SLX4IP: variants seen among roughly 807,000 people sequenced by gnomAD.
The protein encoded by SLX4IP is protein SLX4IP.
A neutral mutation model predicts 32.9 loss-of-function variants in SLX4IP; 34 were observed. The observed-to-expected ratio is 1.03, with a 90% CI of 0.79 to 1.38. SLX4IP has a LOEUF of 1.38. SLX4IP is among the 40% of genes most tolerant of loss of function. The pLI, the probability that SLX4IP is intolerant of heterozygous loss-of-function variation, is 0.00. For missense variants in SLX4IP, 444 were observed against 479.0 expected (o/e 0.93, Z 0.68); for synonymous variants, 172 against 171.7 (o/e 1.00, Z -0.01).
At chr20:10,572,290 G>A (rs1168564536) in intron 4 of SLX4IP, among the ~76,000 whole-genome samples, 1 of 152,094 alleles carries the variant, frequency 6.6e-6, no homozygotes, top group African/African-American at 2.4e-5. Flanking sequence ...TCATTGCTTT[G>A]GTATCCCTAT....
chr20:10,604,614 G>A (rs571994887), intron 6 of SLX4IP, among the ~76,000 whole-genome samples: 19 of 152,324 alleles, frequency 1.2e-4, no homozygotes, highest in Middle Eastern at 3.4e-3. Context: ...GGAGCAGAGC[G>A]AATGCAGCCA....
At chr20:10,440,134 G>A (rs985969354) in intron 1 of SLX4IP, among the ~76,000 whole-genome samples, 3 of 150,884 alleles carry the variant, frequency 2.0e-5, no homozygotes, top group South Asian at 2.1e-4. Context: ...AGAAAAGATT[G>A]CATTTTTTTT....
At chr20:10,613,738 T>A in intron 6 of SLX4IP, 1 of 1,613,488 alleles carries the variant, frequency 6.2e-7, no homozygotes, top group Non-Finnish European at 8.5e-7. Flanking sequence ...TGAATGATAT[T>A]CCTTATCCTG....
chr20:10,486,692 A>T (rs192781541), intron 2 of SLX4IP, among the ~76,000 whole-genome samples: 2 of 152,318 alleles, frequency 1.3e-5, no homozygotes, highest in African/African-American at 4.8e-5. Flanking sequence ...GGGATAAATG[A>T]TCATGCAGAG....
At chr20:10,619,119 C>T (rs2067074790) in intron 6 of SLX4IP, among the ~76,000 whole-genome samples, 1 of 152,098 alleles carries the variant, frequency 6.6e-6, no homozygotes, top group Admixed American at 6.5e-5. Flanking sequence ...TGTAAATATG[C>T]CTCCTTCAAC....
At chr20:10,442,013 G>T (rs529743419) in intron 1 of SLX4IP, among the ~76,000 whole-genome samples, 1 of 152,236 alleles carries the variant, frequency 6.6e-6, no homozygotes, top group East Asian at 1.9e-4. Context: ...AAGTTCTAGG[G>T]CTTTGCCTTT....
intron 1 of SLX4IP, among the ~76,000 whole-genome samples, chr20:10,445,027 C>T (rs2065190243): frequency 6.6e-6 from 1 of 152,152 alleles, no homozygotes; most frequent in Non-Finnish European, 1.5e-5. Context: ...GTGTTCCCCA[C>T]AGATTCTCCG....
intron 1 of SLX4IP, among the ~76,000 whole-genome samples, chr20:10,437,598 A>G (rs955217001): frequency 1.7e-4 from 26 of 152,194 alleles, no homozygotes; most frequent in Non-Finnish European, 3.2e-4. Context: ...CAACTTGCCA[A>G]TTATTTGCTC....
chr20:10,521,711 A>G (rs13043987), intron 2 of SLX4IP, among the ~76,000 whole-genome samples: 1 of 152,018 alleles, frequency 6.6e-6, no homozygotes, highest in Non-Finnish European at 1.5e-5. Flanking sequence ...TACATCCCCA[A>G]ATATGCCCAT....
At chr20:10,555,706 G>A (rs536995760) in intron 2 of SLX4IP, among the ~76,000 whole-genome samples, 39 of 152,298 alleles carry the variant, frequency 2.6e-4, no homozygotes, top group Non-Finnish European at 5.4e-4. Flanking sequence ...CTAGCATTCA[G>A]TATGTATCTT....
intron 4 of SLX4IP, among the ~76,000 whole-genome samples, chr20:10,573,462 G>A (rs1002309410): frequency 5.9e-5 from 9 of 152,160 alleles, no homozygotes; most frequent in African/African-American, 2.2e-4. Flanking sequence ...CATTTTTTAT[G>A]TGAGTCAGTT....
intron 2 of SLX4IP, among the ~76,000 whole-genome samples, chr20:10,550,452 C>G (rs1265758752): frequency 6.6e-6 from 1 of 152,156 alleles, no homozygotes; most frequent in Non-Finnish European, 1.5e-5. Flanking sequence ...ACCACATCCT[C>G]TTACTTCTGT....
chr20:10,498,696 T>C (rs80038006), intron 2 of SLX4IP, among the ~76,000 whole-genome samples: 1 of 151,038 alleles, frequency 6.6e-6, no homozygotes, highest in Non-Finnish European at 1.5e-5. Context: ...TTTTTTTTTT[T>C]TGTGGTGACG....
chr20:10,624,673 C>T lies in SLX4IP; in HGVS notation c.*1294C>T, dbSNP rs1444255969. On this transcript the variant is annotated 3_prime_UTR_variant, in exon 8 of 8. Transcript: ENST00000334534. The stretch of plus-strand genomic sequence containing the variant: ...TGTTGAAGTTAGCAGAAAAATCACC[C>T]AGAAAAGCCCAAAACAATGACAAGA... The T allele has an allele frequency of 6.6e-6, 1 of 151,836 alleles. No individual in the cohort carries two copies. The highest frequency in any genetic ancestry group is 6.6e-5 in the Admixed American group (1 of 15,236). 9.4% of individuals were successfully genotyped at this position (151,836 alleles called of 1,614,324 possible).
intron 4 of SLX4IP, among the ~76,000 whole-genome samples, chr20:10,585,391 C>T (rs1367733745): frequency 6.6e-6 from 1 of 151,738 alleles, no homozygotes; most frequent in Admixed American, 6.5e-5. Context: ...TCTGCTGACT[C>T]TTGAGAGTGG....
chr20:10,499,669 A>G (rs933338677), intron 2 of SLX4IP, among the ~76,000 whole-genome samples: 3 of 152,230 alleles, frequency 2.0e-5, no homozygotes, highest in Admixed American at 1.3e-4. Context: ...AGGTATGACT[A>G]TACATGAGAA....
chr20:10,608,003 A>G (rs2066923491), intron 6 of SLX4IP, among the ~76,000 whole-genome samples: 2 of 152,234 alleles, frequency 1.3e-5, no homozygotes, highest in Admixed American at 6.5e-5. Flanking sequence ...GATAGGTTAA[A>G]TGAATGAGGA....
Position 10,624,274 on chromosome 20 carries a change from C to T in SLX4IP, c.*895C>T, listed in dbSNP as rs1391386797. 2.6e-5 allele frequency: 4 copies of T among 152,240 alleles called. No individual in the cohort carries two copies. The highest frequency in any genetic ancestry group is 4.4e-5 in the Non-Finnish European group (3 of 68,072). 9.4% of individuals were successfully genotyped at this position (152,240 alleles called of 1,614,324 possible). A position where few individuals can be genotyped will look rare whatever the true frequency, so the allele number is the denominator to read the frequency against. On this transcript the variant is annotated 3_prime_UTR_variant, in exon 8 of 8. Transcript: ENST00000334534. ...AAGCATGTCCCAGTCCCTGCTCTTG[C>T]ACCCACCTCCAGGATTTTGGTTTGG...
At chr20:10,445,709 C>G (rs962321488) in intron 1 of SLX4IP, among the ~76,000 whole-genome samples, 5 of 151,442 alleles carry the variant, frequency 3.3e-5, no homozygotes, top group African/African-American at 1.2e-4. Context: ...ACTGCAACCT[C>G]CGCCTCCTGA....
Sources: allele counts gnomAD v4.1 joint callset (sites outside exome capture counted in the v4.1 genomes callset), GRCh38; gene constraint gnomAD v4.1.1; transcripts MANE v1.5; gene names NCBI Gene and HGNC (gene_info 2026-07-23, HGNC 2026-07-21).